The following CRACD variants were observed in gnomAD, a reference collection of about 807,000 sequenced individuals.
CRACD encodes the protein capping protein inhibiting regulator of actin dynamics, also known as capping protein-inhibiting regulator of actin dynamics.
In CRACD, 56 loss-of-function variants were observed where a neutral mutation model predicts 106.8. That is an observed-to-expected ratio of 0.52 (90% CI 0.42 to 0.66). The LOEUF (loss-of-function observed/expected upper bound fraction) is 0.66, where lower values mean the gene tolerates loss of function less well. Among genes scored for constraint, CRACD ranks in the 30% least tolerant of loss-of-function variants. The pLI, the probability that CRACD is intolerant of heterozygous loss-of-function variation, is 0.00. For missense variants in CRACD, 1,730 were observed against 1,623.2 expected (o/e 1.07, Z -1.13); for synonymous variants, 754 against 670.8 (o/e 1.12, Z -1.92).
rs1746554901 is a variant in CRACD, at chr4:56,327,807, A to G, written c.*3A>G. The stretch of plus-strand genomic sequence containing the variant: ...ACTGTCCACAGATTATTAAGTAAAG[A>G]GTGACTCTCACCCATCCCTACTGCC... On this transcript the variant is annotated 3_prime_UTR_variant, in exon 11 of 11. Coordinates refer to ENST00000682029, the MANE Select transcript of CRACD (RefSeq NM_001393381.1). 2 of 1,613,320 alleles carry G rather than the reference A, an allele frequency of 1.2e-6. No homozygotes were observed. The highest frequency in any genetic ancestry group is 1.7e-6 in the Non-Finnish European group (2 of 1,179,458).
At chr4:56,095,989 A>G (rs904436086) in intron 1 of CRACD, among the ~76,000 whole-genome samples, 3 of 152,178 alleles carry the variant, frequency 2.0e-5, no homozygotes, top group African/African-American at 4.8e-5. Flanking sequence ...AGAGTCAAGG[A>G]TGATGCCAGA....
Position 56,313,390 on chromosome 4 carries a change from C to T in CRACD, c.537+11C>T. 1 of 1,604,632 alleles carries T rather than the reference C, an allele frequency of 6.2e-7. No homozygotes were observed. The highest frequency in any genetic ancestry group is 8.5e-7 in the Non-Finnish European group (1 of 1,174,316). On this transcript the variant is annotated intron_variant, in intron 7 of 10. Transcript: ENST00000682029. ...AGGCGCCTTGCCCAGGTGTGTAGAGCCTGCACGGGCTGACCAGGCAGGTGC... is the reference window on the plus strand; with the variant it reads ...AGGCGCCTTGCCCAGGTGTGTAGAGTCTGCACGGGCTGACCAGGCAGGTGC...
At chr4:56,088,857 C>G (rs1313196801) in intron 1 of CRACD, among the ~76,000 whole-genome samples, 7 of 152,184 alleles carry the variant, frequency 4.6e-5, no homozygotes, top group Admixed American at 3.9e-4. Context: ...TCCTGAGTAC[C>G]TGGGATTACA....
At chr4:56,091,622 G>T (rs767863809) in intron 1 of CRACD, among the ~76,000 whole-genome samples, 1 of 152,092 alleles carries the variant, frequency 6.6e-6, no homozygotes. Flanking sequence ...TGCACTGGGC[G>T]TTTGAGGAGG....
chr4:56,220,484 C>T (rs974528579), intron 2 of CRACD, among the ~76,000 whole-genome samples: 8 of 152,154 alleles, frequency 5.3e-5, no homozygotes, highest in African/African-American at 1.4e-4. Flanking sequence ...GCTGGAAGAA[C>T]GGTACAAGCC....
chr4:56,165,216 CT>C (rs776030998), intron 1 of CRACD, among the ~76,000 whole-genome samples: 14 of 152,196 alleles, frequency 9.2e-5, no homozygotes, highest in Non-Finnish European at 1.8e-4. Context: ...ACATTACTGC[CT>C]TCAGTGATGT....
At chr4:56,236,581 G>C (rs1242945961) in intron 2 of CRACD, among the ~76,000 whole-genome samples, 3 of 152,166 alleles carry the variant, frequency 2.0e-5, no homozygotes, top group Non-Finnish European at 2.9e-5. Context: ...GGGGCACAGA[G>C]ATGATGTATG....
rs185834011 is a variant in CRACD, at chr4:56,165,540, G to C, written c.-335-13744G>C. Among the ~76,000 whole-genome samples the C allele has an allele frequency of 1.6e-4, 25 of 152,290 alleles. 1 individual carries two copies. In the East Asian group the frequency reaches 4.3e-3, roughly 26 times the overall value. ...TGCAGCAGATTACTGCTAAGTCCAT[G>C]CTTTTAGCTACATTGGCTCTCTGAG... On this transcript the variant is annotated intron_variant, in intron 1 of 10. Coordinates refer to ENST00000682029, the MANE Select transcript of CRACD (RefSeq NM_001393381.1).
intron 3 of CRACD, among the ~76,000 whole-genome samples, chr4:56,274,392 C>T (rs1470799988): frequency 6.6e-6 from 1 of 152,160 alleles, no homozygotes; most frequent in Non-Finnish European, 1.5e-5. Flanking sequence ...GAAACACAAC[C>T]CATCCTTTTT....
At chr4:56,123,548 G>A (rs1191507501) in intron 1 of CRACD, among the ~76,000 whole-genome samples, 1 of 152,208 alleles carries the variant, frequency 6.6e-6, no homozygotes, top group Admixed American at 6.5e-5. Flanking sequence ...CACGTTGAGG[G>A]TTAGGGACTT....
chr4:56,188,398 T>A (rs929930318), intron 2 of CRACD, among the ~76,000 whole-genome samples: 1 of 152,042 alleles, frequency 6.6e-6, no homozygotes, highest in African/African-American at 2.4e-5. Flanking sequence ...TACTTAGTGC[T>A]TGAGTTGGGG....
At chr4:56,063,345 A>C (rs1446618982) in intron 1 of CRACD, among the ~76,000 whole-genome samples, 1 of 152,152 alleles carries the variant, frequency 6.6e-6, no homozygotes, top group African/African-American at 2.4e-5. Flanking sequence ...GGTGTGAACC[A>C]CTGTGCCCAG....
chr4:56,097,899 C>T (rs1335420870), intron 1 of CRACD, among the ~76,000 whole-genome samples: 2 of 152,110 alleles, frequency 1.3e-5, no homozygotes, highest in Non-Finnish European at 2.9e-5. Flanking sequence ...AGAATTATCT[C>T]TTTGGTGTAT....
chr4:56,103,040 A>C (rs1351482074), intron 1 of CRACD, among the ~76,000 whole-genome samples: 1 of 152,210 alleles, frequency 6.6e-6, no homozygotes, highest in Non-Finnish European at 1.5e-5. Context: ...AGTCTGAGAA[A>C]GTCGGAAACC....
rs371252662 is a variant in CRACD at position 56,237,159 on chromosome 4, TA to T, written c.-188-35161del. Among the ~76,000 whole-genome samples, 153 of 152,198 alleles carry T rather than the reference TA, an allele frequency of 1.0e-3. 1 individual carries two copies. The South Asian group carries it at 0.03, about 30-fold the overall frequency. On this transcript the variant is annotated intron_variant, in intron 2 of 10. Transcript: ENST00000682029. Reference sequence around the variant, plus strand: ...CTGGAATAGCTGAAATGTCCATTAATAGGGGGAAAGGTTGGAAGAATGAGTT... The same window carrying T: ...CTGGAATAGCTGAAATGTCCATTAATGGGGGAAAGGTTGGAAGAATGAGTT...
chr4:56,276,037 C>T (rs1742653198), intron 3 of CRACD, among the ~76,000 whole-genome samples: 1 of 152,136 alleles, frequency 6.6e-6, no homozygotes. Context: ...GCTCCTTCTG[C>T]CTGAAAATTT....
rs185857328 is a variant in CRACD at position 56,329,190 on chromosome 4, G to T, written c.*1386G>T. Among the ~76,000 whole-genome samples, 1 of 152,208 alleles carries T rather than the reference G, an allele frequency of 6.6e-6. No individual in the cohort carries two copies. The highest frequency in any genetic ancestry group is 6.5e-5 in the Admixed American group (1 of 15,294). On this transcript the variant is annotated 3_prime_UTR_variant, in exon 11 of 11. Coordinates refer to ENST00000682029, the MANE Select transcript of CRACD (RefSeq NM_001393381.1). The stretch of plus-strand genomic sequence containing the variant: ...AAATTTACATGAAACAGACATACTG[G>T]CAAACTCACATATTGCTGGTGCTAA...
intron 8 of CRACD, among the ~76,000 whole-genome samples, chr4:56,322,401 A>G (rs1021645987): frequency 2.6e-5 from 4 of 152,240 alleles, no homozygotes; most frequent in African/African-American, 9.6e-5. Context: ...AACCTGTCAC[A>G]TGAACCTCCT....
chr4:56,128,344 T>C (rs1434949888), intron 1 of CRACD, among the ~76,000 whole-genome samples: 2 of 152,206 alleles, frequency 1.3e-5, no homozygotes, highest in Non-Finnish European at 2.9e-5. Flanking sequence ...GAGAACACGA[T>C]TGAGAGCTTA....
Sources: gnomAD v4.1 joint callset for allele counts (sites outside exome capture counted in the v4.1 genomes callset) on GRCh38, gnomAD v4.1.1 for gene constraint, MANE v1.5 for transcripts, NCBI Gene and HGNC (gene_info 2026-07-23, HGNC 2026-07-21) for gene names.